PTPRM: variants seen among roughly 807,000 people sequenced by gnomAD.
The protein encoded by PTPRM is protein tyrosine phosphatase receptor type M.
In PTPRM, 47 loss-of-function variants were observed where a neutral mutation model predicts 186.7. The observed-to-expected ratio is 0.25, with a 90% CI of 0.20 to 0.32. The LOEUF is 0.32. Ranked by LOEUF, PTPRM falls within the 10% of genes least tolerant of loss-of-function variation. The probability of loss-of-function intolerance (pLI) is 1.00; values close to 1 mark genes in which losing one functional copy is unlikely to be tolerated. For synonymous variants in PTPRM, 668 were observed against 674.9 expected (o/e 0.99, Z 0.16); for missense variants, 1,494 against 1,865.0 (o/e 0.80, Z 3.66).
In PTPRM at chr18:7,725,537, T is replaced by C. The variant is rs187256589; in HGVS notation, c.74-48612T>C. Among the ~76,000 whole-genome samples, 176 of 149,808 alleles carry C rather than the reference T, an allele frequency of 1.2e-3. 2 individuals carry two copies. The East Asian group carries it at 0.029, about 24-fold the overall frequency. The stretch of plus-strand genomic sequence containing the variant: ...ATGTTGCCTTTTCCAAAACCACCCA[T>C]GGCCCTGCCCCCAACCCCCATCCTG... On this transcript the variant is annotated intron_variant, in intron 1 of 32. Transcript: ENST00000580170.
intron 1 of PTPRM, among the ~76,000 whole-genome samples, chr18:7,625,424 T>C (rs1203215899): frequency 6.6e-6 from 1 of 152,218 alleles, no homozygotes; most frequent in East Asian, 1.9e-4. Context: ...AGAAGAAATA[T>C]GGCCTAATTC....
At chr18:7,989,817 G>T (rs886734749) in intron 7 of PTPRM, among the ~76,000 whole-genome samples, 5 of 152,048 alleles carry the variant, frequency 3.3e-5, no homozygotes, top group African/African-American at 4.8e-5. Flanking sequence ...CCTCTCACGG[G>T]CCTCACCTTT....
At chr18:7,859,566 G>T (rs1599109173) in intron 2 of PTPRM, among the ~76,000 whole-genome samples, 1 of 152,178 alleles carries the variant, frequency 6.6e-6, no homozygotes, top group Non-Finnish European at 1.5e-5. Context: ...GGCACCTCTG[G>T]CCCAAGTATG....
At chr18:8,131,569 A>G (rs193232991) in intron 13 of PTPRM, among the ~76,000 whole-genome samples, 2 of 152,322 alleles carry the variant, frequency 1.3e-5, no homozygotes, top group East Asian at 3.9e-4. Context: ...TTTGTCCCTC[A>G]GCGTCCTTAG....
Position 8,146,799 on chromosome 18 carries a change from G to A in PTPRM, c.2300+3020G>A, listed in dbSNP as rs2092897739. ...TTGTGGTTTTAGGTCTTATGTTTAA[G>A]TCTTTAATCCATCTTGAGTTGATTT... is the stretch of plus-strand genomic sequence containing the variant. On this transcript the variant is annotated intron_variant, in intron 14 of 32. Transcript: ENST00000580170. Among the ~76,000 whole-genome samples the A allele has an allele frequency of 4.6e-5, 7 of 152,200 alleles. No homozygotes were observed. The South Asian group carries it at 1.4e-3, about 32-fold the overall frequency.
intron 1 of PTPRM, among the ~76,000 whole-genome samples, chr18:7,582,475 C>T (rs770529604): frequency 6.6e-6 from 1 of 152,148 alleles, no homozygotes; most frequent in Non-Finnish European, 1.5e-5. Context: ...CTGGCCAAAG[C>T]CAGTTACAAG....
intron 1 of PTPRM, among the ~76,000 whole-genome samples, chr18:7,688,828 C>T (rs6506525): frequency 0.52 from 78,968 of 152,048 alleles, 22,436 homozygotes; most frequent in Non-Finnish European, 0.62. Flanking sequence ...ATTTATGAGA[C>T]AGAGCTGCTG....
chr18:8,291,959 G>A (rs2095047947), intron 19 of PTPRM, among the ~76,000 whole-genome samples: 1 of 152,084 alleles, frequency 6.6e-6, no homozygotes, highest in Non-Finnish European at 1.5e-5. Context: ...CACCTCTGCA[G>A]CTGCACATCT....
At chr18:8,078,437 G>A (rs1262153509) in intron 9 of PTPRM, among the ~76,000 whole-genome samples, 4 of 152,184 alleles carry the variant, frequency 2.6e-5, no homozygotes, top group South Asian at 4.1e-4. Context: ...AGGGACCATG[G>A]CAACATTGTT....
At position 8,343,393 on chromosome 18, in the gene PTPRM, A is replaced by C. The variant is rs748701548; in HGVS notation, c.2957-30A>C. On this transcript the variant is annotated intron_variant, in intron 22 of 32. Transcript: ENST00000580170. ...TTTCCAGTTGAAACTTACAACAAAAACAAAAAGTTTCTGTTGTGTTTTGCT... is the reference window on the plus strand; with the variant it reads ...TTTCCAGTTGAAACTTACAACAAAACCAAAAAGTTTCTGTTGTGTTTTGCT... 2.5e-6 allele frequency: 4 copies of C among 1,599,670 alleles called. No individual in the cohort carries two copies. The South Asian group carries it at 4.5e-5, about 18-fold the overall frequency.
intron 31 of PTPRM, among the ~76,000 whole-genome samples, chr18:8,388,831 G>A (rs2095794006): frequency 6.6e-6 from 1 of 152,086 alleles, no homozygotes; most frequent in Admixed American, 6.5e-5. Flanking sequence ...CATGGTGGTG[G>A]GCACCTGTAG....
intron 14 of PTPRM, among the ~76,000 whole-genome samples, chr18:8,226,499 T>C (rs1226092343): frequency 6.6e-6 from 1 of 152,192 alleles, no homozygotes; most frequent in Non-Finnish European, 1.5e-5. Flanking sequence ...AAAAAGGCAT[T>C]TTTTACAATA....
chr18:8,114,360 G>A (rs755959379), intron 12 of PTPRM, among the ~76,000 whole-genome samples: 7 of 152,072 alleles, frequency 4.6e-5, no homozygotes, highest in African/African-American at 7.2e-5. Flanking sequence ...GAAATGTTTC[G>A]CAGATACCAC....
intron 3 of PTPRM, among the ~76,000 whole-genome samples, chr18:7,902,087 A>G (rs1225424833): frequency 6.6e-6 from 1 of 152,260 alleles, no homozygotes; most frequent in African/African-American, 2.4e-5. Flanking sequence ...AAACGTATCA[A>G]CAAAGATTGC....
chr18:7,768,091 A>G (rs1447973096), intron 1 of PTPRM, among the ~76,000 whole-genome samples: 1 of 152,186 alleles, frequency 6.6e-6, no homozygotes, highest in Non-Finnish European at 1.5e-5. Flanking sequence ...ACACAGTTAT[A>G]ATCAGTATTG....
intron 1 of PTPRM, among the ~76,000 whole-genome samples, chr18:7,696,366 T>C (rs113699091): frequency 6.7e-4 from 102 of 152,340 alleles, no homozygotes; most frequent in African/African-American, 2.2e-3. Context: ...ATTTGAATTT[T>C]CGTAGAAACA....
At chr18:7,771,524 C>T (rs543244781) in intron 1 of PTPRM, among the ~76,000 whole-genome samples, 5 of 152,238 alleles carry the variant, frequency 3.3e-5, no homozygotes, top group African/African-American at 4.8e-5. Flanking sequence ...ATAAATGACC[C>T]GTTGTTGTCA....
At position 8,231,381 on chromosome 18, in the gene PTPRM, A is replaced by C. The variant is rs563268451; in HGVS notation, c.2301-12677A>C. Among the ~76,000 whole-genome samples, 90 of 152,132 alleles carry C rather than the reference A, an allele frequency of 5.9e-4. 1 individual carries two copies. Among genetic ancestry groups the C allele is most frequent in the Non-Finnish European group, 1.6e-4 (11 of 68,022 alleles). On this transcript the variant is annotated intron_variant, in intron 14 of 32. Transcript: ENST00000580170. ...CCACTCAGTCCAGTTTCAGAGCGGG[A>C]AACTGGAGGAGGAGTGATTTCTTCT... is the stretch of plus-strand genomic sequence containing the variant.
intron 6 of PTPRM, among the ~76,000 whole-genome samples, chr18:7,952,166 C>T (rs2053007872): frequency 6.6e-6 from 1 of 152,186 alleles, no homozygotes. Flanking sequence ...AAATATGATA[C>T]TGACATATTT....
Sources: allele counts gnomAD v4.1 joint callset (sites outside exome capture counted in the v4.1 genomes callset), GRCh38; gene constraint gnomAD v4.1.1; transcripts MANE v1.5; gene names NCBI Gene and HGNC (gene_info 2026-07-23, HGNC 2026-07-21).